PLCH1: variants seen among roughly 807,000 people sequenced by gnomAD.
PLCH1 encodes the protein 1-phosphatidylinositol 4,5-bisphosphate phosphodiesterase eta-1.
PLCH1 carries 60 observed loss-of-function variants against 126.7 expected under a neutral mutation model. The ratio of observed to expected loss-of-function variants is 0.47; its 90% confidence interval spans 0.38 to 0.59. PLCH1 has a LOEUF of 0.59. PLCH1 is among the 20% of genes least tolerant of loss of function. The pLI is 0.00. For synonymous variants in PLCH1, 719 were observed against 734.9 expected, an observed-to-expected ratio of 0.98 and a Z score of 0.35; for missense variants, 1,723 against 2,040.0, an observed-to-expected ratio of 0.84 and a Z score of 2.99.
intron 2 of PLCH1, among the ~76,000 whole-genome samples, chr3:155,686,147 TAGAA>T (rs1744922609): frequency 6.6e-6 from 1 of 152,054 alleles, no homozygotes; most frequent in Non-Finnish European, 1.5e-5. Flanking sequence ...TGTGTGTGTA[TAGAA>T]AGAGAGTGTA....
intron 1 of PLCH1, among the ~76,000 whole-genome samples, chr3:155,718,803 A>C (rs1261848643): frequency 6.6e-6 from 1 of 152,204 alleles, no homozygotes; most frequent in Non-Finnish European, 1.5e-5. Flanking sequence ...TATATTTGGC[A>C]GGAACATATA....
intron 10 of PLCH1, among the ~76,000 whole-genome samples, chr3:155,531,685 CCTT>C (rs1359707162): frequency 2.0e-5 from 3 of 152,182 alleles, no homozygotes; most frequent in African/African-American, 7.2e-5. Flanking sequence ...CTTAGCTAAA[CCTT>C]CTAGATCCCT....
chr3:155,725,588 C>T (rs1402484841), intron 1 of PLCH1, among the ~76,000 whole-genome samples: 1 of 151,942 alleles, frequency 6.6e-6, no homozygotes, highest in African/African-American at 2.4e-5. Context: ...GCTGGGATTA[C>T]AGATGCATGC....
At chr3:155,630,923 G>A (rs1401844337) in intron 2 of PLCH1, among the ~76,000 whole-genome samples, 4 of 152,124 alleles carry the variant, frequency 2.6e-5, no homozygotes, top group African/African-American at 9.7e-5. Context: ...TTAAAAGACA[G>A]ACACTAAACT....
At chr3:155,540,078 A>G (rs1724025934) in intron 10 of PLCH1, among the ~76,000 whole-genome samples, 1 of 152,204 alleles carries the variant, frequency 6.6e-6, no homozygotes, top group African/African-American at 2.4e-5. Flanking sequence ...GAACCCAGAA[A>G]GAAAGCCAAA....
intron 11 of PLCH1, among the ~76,000 whole-genome samples, chr3:155,523,141 ATTTTTTTTGTAT>A (rs1411598632): frequency 1.3e-5 from 2 of 151,466 alleles, no homozygotes; most frequent in African/African-American, 4.9e-5. Context: ...CGCCCGGCTA[ATTTTTTTTGTAT>A]TTTTAGTAGA....
At chr3:155,519,821 G>A (rs1720844722) in intron 11 of PLCH1, among the ~76,000 whole-genome samples, 1 of 142,312 alleles carries the variant, frequency 7.0e-6, no homozygotes, top group African/African-American at 2.6e-5. Context: ...AAAAACTGAA[G>A]TATTTCAACA....
intron 4 of PLCH1, among the ~76,000 whole-genome samples, chr3:155,592,560 A>G (rs2108637884): frequency 6.6e-6 from 1 of 152,114 alleles, no homozygotes; most frequent in Admixed American, 6.5e-5. Flanking sequence ...GTTTAGAGAT[A>G]CTGCCTAAAG....
chr3:155,557,263 T>C (rs1035437579), intron 8 of PLCH1, among the ~76,000 whole-genome samples: 1 of 152,248 alleles, frequency 6.6e-6, no homozygotes, highest in African/African-American at 2.4e-5. Flanking sequence ...AAATAATATA[T>C]AATTTTAACA....
At chr3:155,705,908 GCTCACGC>G (rs1396950008) in intron 1 of PLCH1, among the ~76,000 whole-genome samples, 48 of 152,336 alleles carry the variant, frequency 3.2e-4, no homozygotes, top group African/African-American at 1.1e-3. Flanking sequence ...GCGCGCAGTG[GCTCACGC>G]CTGTAATCCC....
intron 2 of PLCH1, among the ~76,000 whole-genome samples, chr3:155,692,487 G>A (rs1043035391): frequency 3.3e-5 from 5 of 151,676 alleles, no homozygotes; most frequent in Non-Finnish European, 5.9e-5. Context: ...TGGATGGATG[G>A]AAACATCTGG....
chr3:155,692,878 TCCTCAGAATAGCTGGGATCTCCTG>T (rs1281768008), intron 2 of PLCH1, among the ~76,000 whole-genome samples: 17 of 152,116 alleles, frequency 1.1e-4, no homozygotes, highest in Admixed American at 6.5e-4. Flanking sequence ...TGCCTCAGCC[TCCTCAGAATAGCTGGGATCTCCTG>T]CCTCAGAGTA....
intron 3 of PLCH1, 104 bp from the exon 4 acceptor site, chr3:155,594,288 A>G: frequency 8.9e-7 from 1 of 1,117,774 alleles, no homozygotes. Flanking sequence ...ATTAAAAATA[A>G]GTATGAGGCT....
intron 21 of PLCH1, among the ~76,000 whole-genome samples, chr3:155,461,723 T>A (rs946660796): frequency 1.2e-4 from 18 of 152,186 alleles, no homozygotes; most frequent in Admixed American, 9.2e-4. Context: ...ACTACCTCCA[T>A]ACAGTTCCTC....
At chr3:155,586,219 C>A (rs772035561) in intron 4 of PLCH1, 25 bp from the exon 5 acceptor site, 1 of 1,609,900 alleles carries the variant, frequency 6.2e-7, no homozygotes, top group African/African-American at 1.3e-5. Flanking sequence ...AAGAAAACAC[C>A]TGTGCTCTCA....
chr3:155,610,477 A>G (rs1325037637), intron 2 of PLCH1, among the ~76,000 whole-genome samples: 2 of 151,918 alleles, frequency 1.3e-5, no homozygotes, highest in Non-Finnish European at 2.9e-5. Flanking sequence ...CCGTCAGGTA[A>G]CGTGCAAAGG....
At chr3:155,615,486 CAT>C (rs1735687884) in intron 2 of PLCH1, among the ~76,000 whole-genome samples, 2 of 152,166 alleles carry the variant, frequency 1.3e-5, no homozygotes, top group Non-Finnish European at 2.9e-5. Context: ...CATGCATACA[CAT>C]GTTTACAGCA....
Position 155,633,346 on chromosome 3 carries a change from C to CAAAAA in PLCH1, c.80-36973_80-36969dup, listed in dbSNP as rs367695398. Among the ~76,000 whole-genome samples the CAAAAA allele has an allele frequency of 8.8e-3, 1,171 of 133,482 alleles. 25 individuals are homozygous for CAAAAA. The highest frequency in any genetic ancestry group is 0.025 in the African/African-American group (922 of 36,510). 87.6% of individuals were successfully genotyped at this position (133,482 alleles called of 152,430 possible). On this transcript the variant is annotated intron_variant, in intron 2 of 22. Transcript: ENST00000460012. ...CTCCTTGAAACAGTTTAGTTTTCTT[C>CAAAAA]AAAAAAAAAAAAACCTACTCTTTCC...
At chr3:155,608,971 A>T (rs113904493) in intron 2 of PLCH1, among the ~76,000 whole-genome samples, 30 of 152,212 alleles carry the variant, frequency 2.0e-4, no homozygotes, top group African/African-American at 6.0e-4. Flanking sequence ...AGACAGAATA[A>T]CTCTGCTCCC....
Sources: allele counts gnomAD v4.1 joint callset (sites outside exome capture counted in the v4.1 genomes callset), GRCh38; gene constraint gnomAD v4.1.1; transcripts MANE v1.5; gene names NCBI Gene and HGNC (gene_info 2026-07-23, HGNC 2026-07-21).